Variants in KIDINS220 observed in about 807,000 individuals in gnomAD.
KIDINS220 encodes the protein kinase D-interacting substrate of 220 kDa.
In KIDINS220, 63 loss-of-function variants were observed where a neutral mutation model predicts 157.6. That is an observed-to-expected ratio of 0.40 (90% CI 0.33 to 0.49). KIDINS220 has a LOEUF of 0.49. Among genes scored for constraint, KIDINS220 ranks in the 20% least tolerant of loss-of-function variants. KIDINS220 has a pLI of 0.66. For synonymous variants in KIDINS220, 732 were observed against 783.6 expected (o/e 0.93, Z 1.10); for missense variants, 1,772 against 2,171.2 (o/e 0.82, Z 3.65).
intron 17 of KIDINS220, 77 bp from the exon 18 acceptor site, chr2:8,779,891 T>G: frequency 6.8e-7 from 1 of 1,474,576 alleles, no homozygotes; most frequent in South Asian, 1.2e-5. Flanking sequence ...GAAAGCGTGA[T>G]AGAAAGTCAT....
chr2:8,800,158 T>C lies in KIDINS220; in HGVS notation c.900+242A>G, dbSNP rs1245539294. The C allele has an allele frequency of 1.5e-5, 6 of 395,520 alleles. No homozygotes were observed. In the Admixed American group the frequency reaches 2.1e-4, roughly 14 times the overall value. 24.5% of individuals were successfully genotyped at this position (395,520 alleles called of 1,614,324 possible). A position where few individuals can be genotyped will look rare whatever the true frequency, so the allele number is the denominator to read the frequency against. On this transcript the variant is annotated intron_variant, in intron 9 of 29. Transcript: ENST00000256707. ...GATTGAATCTATATATACCCATTAG[T>C]AAGGACAGTATATTCTAAAAACATG... is the stretch of plus-strand genomic sequence containing the variant.
Position 8,800,292 on chromosome 2 carries a change from G to T in KIDINS220, c.900+108C>A, listed in dbSNP as rs533559747. On this transcript the variant is annotated intron_variant, in intron 9 of 29. Coordinates refer to ENST00000256707, the MANE Select transcript of KIDINS220 (RefSeq NM_020738.4). ...ATATACGTCTGTTAAATGTACTAGG[G>T]TTTACAAGTTTATCTCCATAGGAAA... The T allele has an allele frequency of 1.6e-5, 10 of 634,900 alleles. No homozygotes were observed. In the Admixed American group the frequency reaches 1.7e-4, roughly 10 times the overall value. 39.3% of individuals were successfully genotyped at this position (634,900 alleles called of 1,614,324 possible).
chr2:8,778,369 T>G (rs983197661), intron 20 of KIDINS220, among the ~76,000 whole-genome samples: 1 of 152,178 alleles, frequency 6.6e-6, no homozygotes, highest in South Asian at 2.1e-4. Flanking sequence ...CAACCCTGGA[T>G]GAAATCATTT....
At chr2:8,771,753 A>G (rs966281752) in intron 21 of KIDINS220, among the ~76,000 whole-genome samples, 8 of 152,156 alleles carry the variant, frequency 5.3e-5, no homozygotes. Flanking sequence ...TTCTTCCTAT[A>G]TCACCAGGCC....
intron 4 of KIDINS220, among the ~76,000 whole-genome samples, chr2:8,815,813 C>CTCTT (rs1395532433): frequency 6.6e-6 from 1 of 152,190 alleles, no homozygotes; most frequent in Non-Finnish European, 1.5e-5. Flanking sequence ...ATTTCATGAA[C>CTCTT]TCTTTCTTCA....
chr2:8,810,337 T>C (rs780914673), intron 6 of KIDINS220, among the ~76,000 whole-genome samples: 21 of 152,198 alleles, frequency 1.4e-4, no homozygotes, highest in South Asian at 4.1e-4. Flanking sequence ...TACAGGGCAC[T>C]GCATAGTGGG....
In KIDINS220 at chr2:8,806,373, T is replaced by C. The variant is rs747336927; in HGVS notation, c.505-4A>G. 1.3e-6 allele frequency: 2 copies of C among 1,545,396 alleles called. No individual in the cohort carries two copies. The highest frequency in any genetic ancestry group is 1.8e-6 in the Non-Finnish European group (2 of 1,142,258). ...AAACTAAAGGGGTGGTTCCATACTATTAAAACAAACAATAAATTTAAAATT... is the reference window on the plus strand; with the variant it reads ...AAACTAAAGGGGTGGTTCCATACTACTAAAACAAACAATAAATTTAAAATT... On this transcript the variant is annotated splice_polypyrimidine_tract_variant and splice_region_variant and intron_variant, in intron 6 of 29. Transcript: ENST00000256707.
intron 21 of KIDINS220, among the ~76,000 whole-genome samples, chr2:8,771,180 A>G (rs920820789): frequency 6.6e-6 from 1 of 152,166 alleles, no homozygotes; most frequent in Non-Finnish European, 1.5e-5. Context: ...CCATTCACCC[A>G]CAATGGACCC....
chr2:8,808,489 T>C (rs10211274), intron 6 of KIDINS220, among the ~76,000 whole-genome samples: 147,497 of 152,320 alleles, frequency 0.97, 71,457 homozygotes, highest in Middle Eastern at 0.99. Flanking sequence ...GGCTAGTCCT[T>C]ACCCACTCCC....
At position 8,731,468 on chromosome 2, in the gene KIDINS220, T is replaced by G; in HGVS notation, c.4568A>C (p.Glu1523Ala). The G allele has an allele frequency of 6.2e-7, 1 of 1,614,222 alleles. No individual in the cohort carries two copies. The highest frequency in any genetic ancestry group is 8.5e-7 in the Non-Finnish European group (1 of 1,180,038). The change falls in exon 30 of 30, where the codon GAG (glutamate) becomes GCG (alanine). Residue 1523 changes from glutamate to alanine, a missense_variant. Glu to Ala is a moderately radical substitution (Grantham distance 107). Around this residue, in one of 3 missense-constraint regions of KIDINS220, gnomAD observed 793 missense variants for 885.5 expected, o/e 0.90. Coordinates refer to ENST00000256707, the MANE Select transcript of KIDINS220 (RefSeq NM_020738.4). The surrounding 1 kb of genome is among the most constrained non-coding windows in gnomAD (Gnocchi z 5.2). Reference sequence around the variant, plus strand: ...TGATTCTTCTGTGCCAGATTCATCCTCGTCACTTGGGAGTTTTTGATAGCG... The same window carrying G: ...TGATTCTTCTGTGCCAGATTCATCCGCGTCACTTGGGAGTTTTTGATAGCG... ...GLRYQKLPSD[E>A]DESGTEESDN... is the part of the protein sequence containing the mutation.
At chr2:8,797,183 T>A (rs75934064) in intron 10 of KIDINS220, among the ~76,000 whole-genome samples, 1 of 152,176 alleles carries the variant, frequency 6.6e-6, no homozygotes, top group Admixed American at 6.5e-5. Context: ...CTCCAGAGGC[T>A]ACTTCCCGTT....
chr2:8,722,629 C>T (rs1353175628), downstream of KIDINS220: 1 of 152,080 alleles, frequency 6.6e-6, no homozygotes, highest in East Asian at 1.9e-4. Flanking sequence ...TATTTATAAG[C>T]AAATCTTGAA....
intron 7 of KIDINS220, among the ~76,000 whole-genome samples, chr2:8,805,265 C>T (rs974372876): frequency 2.6e-5 from 4 of 152,082 alleles, no homozygotes; most frequent in African/African-American, 7.2e-5. Context: ...TTTATGTGGG[C>T]TTCATTATGA....
chr2:8,790,973 GAA>G, intron 13 of KIDINS220, 85 bp downstream of exon 13: 1 of 1,241,282 alleles, frequency 8.1e-7, no homozygotes, highest in Non-Finnish European at 1.1e-6. Flanking sequence ...TGCTTATACA[GAA>G]AGTGGTCTTC....
At chr2:8,722,465 C>T (rs1007243903), downstream of KIDINS220, 1 of 152,220 alleles carries the variant, frequency 6.6e-6, no homozygotes, top group African/African-American at 2.4e-5. Flanking sequence ...GCTTACACCA[C>T]AGAGGGTGTG....
chr2:8,744,376 AAAAAAAAAAAAAATATATATATAT>A (rs1416453035), intron 26 of KIDINS220, among the ~76,000 whole-genome samples: 774 of 17,486 alleles, frequency 0.044, 47 homozygotes, highest in African/African-American at 0.088. Flanking sequence ...AAAAAAAAAA[AAAAAAAAAAAAAATATATATATAT>A]AATATATATA....
chr2:8,834,649 G>A (rs912911225), intron 1 of KIDINS220, among the ~76,000 whole-genome samples: 2 of 152,030 alleles, frequency 1.3e-5, no homozygotes, highest in African/African-American at 2.4e-5. Context: ...CAGCACTTAA[G>A]AGAAGTGCCT....
intron 16 of KIDINS220, 82 bp from the exon 17 acceptor site, chr2:8,786,112 G>T: frequency 6.4e-7 from 1 of 1,559,648 alleles, no homozygotes; most frequent in Non-Finnish European, 8.7e-7. Flanking sequence ...TACCTGATGA[G>T]TCTAATGTTC....
chr2:8,727,169 G>A (rs559956169), downstream of KIDINS220: 14 of 1,160,380 alleles, frequency 1.2e-5, no homozygotes, highest in East Asian at 2.9e-4. Flanking sequence ...CTCAAAACGC[G>A]ATAGTCTCAG....
Sources: allele counts gnomAD v4.1 joint callset (sites outside exome capture counted in the v4.1 genomes callset), GRCh38; gene constraint gnomAD v4.1.1; regional missense constraint gnomAD v4.1.1; non-coding constraint Gnocchi (gnomAD v3.1); transcripts MANE v1.5; gene names NCBI Gene and HGNC (gene_info 2026-07-23, HGNC 2026-07-21).